The following PDE4B variants were observed in gnomAD, a reference collection of about 807,000 sequenced individuals.
PDE4B encodes the protein phosphodiesterase 4B.
PDE4B carries 20 observed loss-of-function variants against 82.2 expected under a neutral mutation model. That is an observed-to-expected ratio of 0.24 (90% CI 0.17 to 0.35). The LOEUF (loss-of-function observed/expected upper bound fraction) is 0.35, where lower values mean the gene tolerates loss of function less well. PDE4B is among the 10% of genes least tolerant of loss of function. The pLI is 1.00. For missense variants in PDE4B, 655 were observed against 907.2 expected (o/e 0.72, Z 3.57); for synonymous variants, 320 against 318.9 (o/e 1.00, Z -0.04).
intron 3 of PDE4B, among the ~76,000 whole-genome samples, chr1:65,937,561 C>T (rs1367491702): frequency 6.6e-6 from 1 of 152,164 alleles, no homozygotes; most frequent in Non-Finnish European, 1.5e-5. Context: ...TGATGACACA[C>T]ACATCTGTTC....
chr1:66,247,189 C>T (rs1236426435), intron 3 of PDE4B, among the ~76,000 whole-genome samples: 1 of 152,164 alleles, frequency 6.6e-6, no homozygotes, highest in Non-Finnish European at 1.5e-5. Flanking sequence ...ATGGAGTTTG[C>T]TCCTGGGTTC....
At chr1:65,800,132 T>C (rs1645678167) in intron 1 of PDE4B, among the ~76,000 whole-genome samples, 2 of 152,298 alleles carry the variant, frequency 1.3e-5, no homozygotes, top group Non-Finnish European at 2.9e-5. Context: ...CCTTATATCA[T>C]GGATTAAAAA....
At chr1:65,914,619 G>T in intron 2 of PDE4B, among the ~76,000 whole-genome samples, 1 of 146,036 alleles carries the variant, frequency 6.8e-6, no homozygotes. Context: ...AAAAAAAAAA[G>T]GCTTGTGATT....
chr1:66,218,998 G>C (rs1007322054), intron 3 of PDE4B, among the ~76,000 whole-genome samples: 2 of 152,102 alleles, frequency 1.3e-5, no homozygotes, highest in Non-Finnish European at 2.9e-5. Flanking sequence ...GTATTTGATA[G>C]CATCAGTGTT....
chr1:65,863,625 T>C (rs1265711056), intron 1 of PDE4B, among the ~76,000 whole-genome samples: 2 of 152,302 alleles, frequency 1.3e-5, no homozygotes, highest in South Asian at 2.1e-4. Flanking sequence ...CCCACTATTA[T>C]TGTGTGGGAG....
intron 3 of PDE4B, among the ~76,000 whole-genome samples, chr1:65,962,681 A>T (rs1295943814): frequency 1.3e-5 from 2 of 152,152 alleles, no homozygotes; most frequent in African/African-American, 2.4e-5. Flanking sequence ...GCAAAGATGG[A>T]ATATTATGAA....
chr1:65,973,298 T>C (rs1650238981), intron 3 of PDE4B, among the ~76,000 whole-genome samples: 1 of 151,822 alleles, frequency 6.6e-6, no homozygotes, highest in South Asian at 2.1e-4. Context: ...ATAAAATATA[T>C]ATTTATCTTT....
At chr1:66,113,691 A>G (rs1466823178) in intron 3 of PDE4B, among the ~76,000 whole-genome samples, 1 of 152,234 alleles carries the variant, frequency 6.6e-6, no homozygotes, top group East Asian at 1.9e-4. Flanking sequence ...CCTTTAAGAT[A>G]TGCAAAGATA....
chr1:66,270,780 A>G (rs1048326934), intron 7 of PDE4B, among the ~76,000 whole-genome samples: 6 of 152,260 alleles, frequency 3.9e-5, no homozygotes, highest in Admixed American at 3.9e-4. Context: ...AATTATAAGA[A>G]AAAAGAAAAA....
At chr1:66,219,537 CACA>C (rs767170053) in intron 3 of PDE4B, among the ~76,000 whole-genome samples, 2 of 152,098 alleles carry the variant, frequency 1.3e-5, no homozygotes, top group South Asian at 2.1e-4. Flanking sequence ...ATGTGCAAAG[CACA>C]ACATTATCCC....
At chr1:66,370,246 A>G (rs1448254602) in intron 16 of PDE4B, among the ~76,000 whole-genome samples, 2 of 150,834 alleles carry the variant, frequency 1.3e-5, no homozygotes, top group Non-Finnish European at 3.0e-5. Flanking sequence ...ATTGTTAATG[A>G]GGGTTAATTC....
intron 1 of PDE4B, among the ~76,000 whole-genome samples, chr1:65,879,692 G>A (rs1399886093): frequency 6.6e-6 from 1 of 152,140 alleles, no homozygotes; most frequent in Non-Finnish European, 1.5e-5. Flanking sequence ...TTGTATATCA[G>A]GCACAATGAC....
At chr1:66,275,448 C>T (rs1655812988) in intron 7 of PDE4B, among the ~76,000 whole-genome samples, 1 of 152,182 alleles carries the variant, frequency 6.6e-6, no homozygotes, top group African/African-American at 2.4e-5. Context: ...ACTTTACACC[C>T]TCTCCAATTA....
At chr1:66,033,506 G>C (rs974650457) in intron 3 of PDE4B, among the ~76,000 whole-genome samples, 1 of 152,140 alleles carries the variant, frequency 6.6e-6, no homozygotes, top group Non-Finnish European at 1.5e-5. Flanking sequence ...CCCAGGACCA[G>C]TGCATGCTAT....
At chr1:65,969,766 A>G (rs1427621141) in intron 3 of PDE4B, among the ~76,000 whole-genome samples, 2 of 152,132 alleles carry the variant, frequency 1.3e-5, no homozygotes, top group Non-Finnish European at 2.9e-5. Flanking sequence ...GTTAGGTCAT[A>G]TAAATGGTAT....
intron 7 of PDE4B, among the ~76,000 whole-genome samples, chr1:66,321,509 G>T (rs975031102): frequency 1.3e-5 from 2 of 152,102 alleles, no homozygotes; most frequent in Non-Finnish European, 2.9e-5. Flanking sequence ...TCAAAGAGGA[G>T]AAATTTGTTT....
chr1:66,237,370 T>C (rs1163171768), intron 3 of PDE4B, among the ~76,000 whole-genome samples: 1 of 152,226 alleles, frequency 6.6e-6, no homozygotes, highest in East Asian at 1.9e-4. Flanking sequence ...CTTCCACGTC[T>C]CTACCTCCAC....
chr1:65,858,918 G>C (rs1646424078), intron 1 of PDE4B, among the ~76,000 whole-genome samples: 1 of 152,130 alleles, frequency 6.6e-6, no homozygotes, highest in South Asian at 2.1e-4. Context: ...ATTATTAAGA[G>C]AGATGGGAAG....
At chr1:65,858,238 T>C (rs1646414949) in intron 1 of PDE4B, among the ~76,000 whole-genome samples, 1 of 152,202 alleles carries the variant, frequency 6.6e-6, no homozygotes, top group African/African-American at 2.4e-5. Context: ...TCAGTTCAGC[T>C]GAGAAGATTT....
Sources: allele counts gnomAD v4.1 joint callset (sites outside exome capture counted in the v4.1 genomes callset), GRCh38; gene constraint gnomAD v4.1.1; transcripts MANE v1.5; gene names NCBI Gene and HGNC (gene_info 2026-07-23, HGNC 2026-07-21).